The following SGCD variants were observed in gnomAD, a reference collection of about 807,000 sequenced individuals.
SGCD encodes sarcoglycan delta, also known as delta-sarcoglycan.
SGCD carries 18 observed loss-of-function variants against 36.6 expected under a neutral mutation model. That is an observed-to-expected ratio of 0.49 (90% confidence interval 0.34 to 0.73). SGCD has a LOEUF of 0.73. SGCD is among the 30% of genes least tolerant of loss of function. The pLI is 0.01. For synonymous variants in SGCD, 133 were observed against 130.6 expected (o/e 1.02, Z -0.12); for missense variants, 387 against 346.7 (o/e 1.12, Z -0.92).
chr5:156,229,503 T>C (rs931639359), intron 3 of SGCD, among the ~76,000 whole-genome samples: 1 of 151,528 alleles, frequency 6.6e-6, no homozygotes, highest in African/African-American at 2.4e-5. Flanking sequence ...CCCAATCCCT[T>C]CCATCTTGTA....
chr5:156,391,376 T>C (rs1237542508), intron 3 of SGCD, among the ~76,000 whole-genome samples: 1 of 152,202 alleles, frequency 6.6e-6, no homozygotes, highest in Non-Finnish European at 1.5e-5. Flanking sequence ...CACGTGCCTA[T>C]TGTGAAATGA....
intron 3 of SGCD, among the ~76,000 whole-genome samples, chr5:156,165,269 C>T (rs1274596724): frequency 6.6e-6 from 1 of 152,098 alleles, no homozygotes; most frequent in African/African-American, 2.4e-5. Context: ...TGGGCATTCT[C>T]AGTGGTAGAA....
At chr5:156,672,933 A>G (rs1189903394) in intron 7 of SGCD, among the ~76,000 whole-genome samples, 1 of 152,126 alleles carries the variant, frequency 6.6e-6, no homozygotes, top group African/African-American at 2.4e-5. Flanking sequence ...TTCAAGTCTC[A>G]GCTTTAATGT....
At chr5:156,239,390 A>T (rs1383359716) in intron 3 of SGCD, among the ~76,000 whole-genome samples, 2 of 110,434 alleles carry the variant, frequency 1.8e-5, no homozygotes, top group African/African-American at 3.7e-5. Context: ...ACAGAGGAAG[A>T]TTTCATCTCA....
At chr5:156,525,821 C>A (rs980871974) in intron 4 of SGCD, among the ~76,000 whole-genome samples, 5 of 152,002 alleles carry the variant, frequency 3.3e-5, no homozygotes, top group Admixed American at 6.6e-5. Context: ...TTCTCAGCAC[C>A]ATTTATTGAA....
chr5:156,418,900 A>G (rs1371381686), intron 3 of SGCD, among the ~76,000 whole-genome samples: 1 of 152,142 alleles, frequency 6.6e-6, no homozygotes, highest in Non-Finnish European at 1.5e-5. Flanking sequence ...TTCTTTTTCC[A>G]TTCAGAATGA....
At position 155,913,544 on chromosome 5, in the gene SGCD, C is replaced by A. The variant is rs150522265; in HGVS notation, c.-282+43120C>A. 7.7e-4 allele frequency among the ~76,000 whole-genome samples: 117 copies of A among 152,196 alleles called. 1 individual carries two copies. In the East Asian group the frequency reaches 0.017, roughly 22 times the overall value. ...TAATTATCTAATCCTTAAATCTTTG[C>A]TATTGAATATATTCAATTAAAAACG... On this transcript the variant is annotated intron_variant, in intron 1 of 9. Coordinates refer to the SGCD transcript ENST00000517913.
chr5:155,739,552 G>A, the SGCD span, among the ~76,000 whole-genome samples: 13 of 152,312 alleles, frequency 8.5e-5, no homozygotes, highest in South Asian at 2.5e-3. Flanking sequence ...TATGGCTGTT[G>A]TTAAATTATA....
At chr5:156,403,623 G>C (rs1464453379) in intron 3 of SGCD, among the ~76,000 whole-genome samples, 1 of 152,110 alleles carries the variant, frequency 6.6e-6, no homozygotes, top group East Asian at 1.9e-4. Flanking sequence ...CCGTGTCTTT[G>C]TGTGCACATC....
chr5:156,267,513 G>T (rs943374714), intron 3 of SGCD, among the ~76,000 whole-genome samples: 1 of 152,312 alleles, frequency 6.6e-6, no homozygotes, highest in Non-Finnish European at 1.5e-5. Context: ...CTTTCTAGCG[G>T]TTTTTCGGAA....
At chr5:155,915,676 A>G (rs1756720053) in intron 1 of SGCD, among the ~76,000 whole-genome samples, 1 of 152,190 alleles carries the variant, frequency 6.6e-6, no homozygotes, top group Admixed American at 6.6e-5. Flanking sequence ...CCTGAGCAAG[A>G]CTCACATTCT....
chr5:155,987,351 G>T (rs1758351581), intron 1 of SGCD, among the ~76,000 whole-genome samples: 1 of 151,854 alleles, frequency 6.6e-6, no homozygotes, highest in African/African-American at 2.4e-5. Flanking sequence ...CCTCCAAAAT[G>T]TCTCTAAAAT....
At chr5:156,512,419 A>G (rs545343071) in intron 4 of SGCD, among the ~76,000 whole-genome samples, 1 of 152,228 alleles carries the variant, frequency 6.6e-6, no homozygotes, top group South Asian at 2.1e-4. Flanking sequence ...AACATGCCAT[A>G]AAGGTTTGTA....
intron 1 of SGCD, among the ~76,000 whole-genome samples, chr5:156,003,269 G>T (rs1758697296): frequency 6.6e-6 from 1 of 152,212 alleles, no homozygotes; most frequent in Non-Finnish European, 1.5e-5. Context: ...ATAAGGGCTT[G>T]CCTCTCTACT....
At chr5:156,314,251 T>C (rs570978135) in intron 3 of SGCD, among the ~76,000 whole-genome samples, 45 of 152,212 alleles carry the variant, frequency 3.0e-4, no homozygotes, top group African/African-American at 1.0e-3. Flanking sequence ...TCAGTATAGC[T>C]GTTTAAACAT....
chr5:155,987,759 C>CA (rs1176094977), intron 1 of SGCD, among the ~76,000 whole-genome samples: 1 of 152,154 alleles, frequency 6.6e-6, no homozygotes, highest in African/African-American at 2.4e-5. Context: ...TTTTATCAGG[C>CA]AAACTCCTAT....
At chr5:156,294,895 T>A (rs1403841800) in intron 3 of SGCD, among the ~76,000 whole-genome samples, 1 of 152,210 alleles carries the variant, frequency 6.6e-6, no homozygotes, top group Non-Finnish European at 1.5e-5. Context: ...AGTATTTTGT[T>A]GATAATTTTT....
the SGCD span, among the ~76,000 whole-genome samples, chr5:155,812,012 T>C: frequency 1.6e-4 from 24 of 152,212 alleles, no homozygotes; most frequent in Admixed American, 1.3e-4. Flanking sequence ...ACACAGTCTT[T>C]CCATAATCTA....
chr5:156,186,681 T>C (rs1370392779), intron 3 of SGCD, among the ~76,000 whole-genome samples: 2 of 152,200 alleles, frequency 1.3e-5, no homozygotes, highest in Admixed American at 1.3e-4. Flanking sequence ...TAGCCTGGAA[T>C]TGATATTCTC....
Sources: gnomAD v4.1 joint callset for allele counts (sites outside exome capture counted in the v4.1 genomes callset) on GRCh38, gnomAD v4.1.1 for gene constraint, MANE v1.5 for transcripts, NCBI Gene and HGNC (gene_info 2026-07-23, HGNC 2026-07-21) for gene names.